Variants in PHF21A observed in about 807,000 individuals in gnomAD.
PHF21A encodes the protein BHC80a.
PHF21A carries 11 observed loss-of-function variants against 82.5 expected under a neutral mutation model. The ratio of observed to expected loss-of-function variants is 0.13; its 90% confidence interval spans 0.08 to 0.22. The LOEUF is 0.22. Among genes scored for constraint, PHF21A ranks in the 10% least tolerant of loss-of-function variants. The pLI, the probability that PHF21A is intolerant of heterozygous loss-of-function variation, is 1.00. For synonymous variants in PHF21A, 297 were observed against 302.8 expected (o/e 0.98, Z 0.20); for missense variants, 579 against 837.8 (o/e 0.69, Z 3.81).
intron 6 of PHF21A, 24 bp downstream of exon 6, chr11:46,076,730 T>A: frequency 6.3e-7 from 1 of 1,588,330 alleles, no homozygotes; most frequent in African/African-American, 1.3e-5. Flanking sequence ...GTTAAAAATA[T>A]GCCCCCCTCC....
chr11:46,013,215 G>A (rs115303644), intron 6 of PHF21A, among the ~76,000 whole-genome samples: 153 of 152,250 alleles, frequency 1.0e-3, no homozygotes, highest in African/African-American at 3.6e-3. Context: ...AATGTGAGAT[G>A]AGTGGCATAG....
At chr11:46,117,983 T>G (rs1056335656) in intron 1 of PHF21A, 2 of 152,184 alleles carry the variant, frequency 1.3e-5, no homozygotes, top group African/African-American at 4.8e-5. Flanking sequence ...TAAGCAGAGC[T>G]GTAATAAGTA....
At position 46,084,252 on chromosome 11, in the gene PHF21A, A is replaced by C; in HGVS notation, c.-33T>G. The C allele has an allele frequency of 6.4e-7, 1 of 1,559,310 alleles. No homozygotes were observed. The highest frequency in any genetic ancestry group is 1.2e-5 in the South Asian group (1 of 85,218). On this transcript the variant is annotated 5_prime_UTR_variant, in exon 4 of 19. Coordinates refer to ENST00000676320, the MANE Select transcript of PHF21A (RefSeq NM_001352027.3). ...CTTCTCCACTTTCTCTGCTAATTCT[A>C]TAGTTTCTTCAGCCTCTGTTTAAAG...
chr11:45,985,155 TACTC>T (rs945775028), intron 6 of PHF21A, among the ~76,000 whole-genome samples: 36 of 152,144 alleles, frequency 2.4e-4, no homozygotes, highest in African/African-American at 8.7e-4. Flanking sequence ...GATCAGAACT[TACTC>T]AAAGAGGAAA....
At chr11:45,980,459 T>A (rs2094230840) in intron 6 of PHF21A, among the ~76,000 whole-genome samples, 1 of 152,186 alleles carries the variant, frequency 6.6e-6, no homozygotes. Context: ...TGACTTGTTA[T>A]ATGGAAAGTA....
chr11:46,045,718 T>C (rs2096246569), intron 6 of PHF21A, among the ~76,000 whole-genome samples: 1 of 152,194 alleles, frequency 6.6e-6, no homozygotes, highest in Non-Finnish European at 1.5e-5. Context: ...CTATCTGTTC[T>C]CTAAAACACG....
At position 45,970,913 on chromosome 11, in the gene PHF21A, C is replaced by T. The variant is rs563452975; in HGVS notation, c.612+203G>A. On this transcript the variant is annotated intron_variant, in intron 8 of 18. Transcript: ENST00000676320. ...CCTCAGATAATGCACTGAATTTAGT[C>T]CTTGGTGTCAGGACGCTTCTGTAGT... 1.2e-3 allele frequency: 715 copies of T among 598,516 alleles called. 11 individuals carry two copies. The highest frequency in any genetic ancestry group is 1.8e-3 in the Middle Eastern group (4 of 2,184). The allele number at this position is 598,516 out of a possible 1,614,324, so 37.1% of individuals were successfully genotyped here. A position where few individuals can be genotyped will look rare whatever the true frequency, so the allele number is the denominator to read the frequency against.
At chr11:46,109,518 TTA>T (rs1157792475) in intron 1 of PHF21A, among the ~76,000 whole-genome samples, 1 of 151,400 alleles carries the variant, frequency 6.6e-6, no homozygotes, top group African/African-American at 2.4e-5. Context: ...AAAATAAAAT[TTA>T]TATAGTTAGT....
At chr11:46,049,276 A>G (rs1253610302) in intron 6 of PHF21A, 1 of 338,798 alleles carries the variant, frequency 3.0e-6, no homozygotes, top group Non-Finnish European at 5.8e-6. Flanking sequence ...TCATTTCTCA[A>G]ATCCTGATAG....
At chr11:45,985,230 T>C (rs2094451829) in intron 6 of PHF21A, among the ~76,000 whole-genome samples, 1 of 152,218 alleles carries the variant, frequency 6.6e-6, no homozygotes, top group Non-Finnish European at 1.5e-5. Flanking sequence ...CACACCAATA[T>C]TCATCAACGC....
chr11:45,969,957 C>T, intron 8 of PHF21A, 53 bp from the exon 9 acceptor site: 2 of 1,126,222 alleles, frequency 1.8e-6, no homozygotes, highest in Non-Finnish European at 2.7e-6. Context: ...TCTTCAATAT[C>T]AAAGCTAGTA....
chr11:46,067,893 T>C (rs1272095647), intron 6 of PHF21A, among the ~76,000 whole-genome samples: 1 of 152,040 alleles, frequency 6.6e-6, no homozygotes, highest in Non-Finnish European at 1.5e-5. Flanking sequence ...GTACCATGAG[T>C]ACACAGAAGA....
rs1300085126 is a variant in PHF21A, at chr11:45,990,276, T to C, written c.154-10310A>G. On this transcript the variant is annotated intron_variant, in intron 6 of 18. Transcript: ENST00000676320. ...TTTTTTTTTTTTTTTTTTTTTTTTT[T>C]CAAACAGGATCTCACTCTGTCCCCC... Among the ~76,000 whole-genome samples, 525 of 59,310 alleles carry C rather than the reference T, an allele frequency of 8.9e-3. 9 individuals are homozygous for C. The highest frequency in any genetic ancestry group is 0.013 in the Non-Finnish European group (358 of 26,790). The allele number at this position is 59,310 out of a possible 152,430, so 38.9% of individuals were successfully genotyped here.
intron 10 of PHF21A, among the ~76,000 whole-genome samples, chr11:45,960,626 A>C (rs2093018237): frequency 6.6e-6 from 1 of 152,202 alleles, no homozygotes; most frequent in Admixed American, 6.5e-5. Flanking sequence ...ATGGTTGCAC[A>C]ATACTGTGAA....
At chr11:46,057,401 G>A (rs2096474359) in intron 6 of PHF21A, among the ~76,000 whole-genome samples, 2 of 152,082 alleles carry the variant, frequency 1.3e-5, no homozygotes, top group South Asian at 4.1e-4. Context: ...GCACAGGAGT[G>A]TTAATTCAAT....
chr11:45,992,880 C>T (rs1387853865), intron 6 of PHF21A, among the ~76,000 whole-genome samples: 5 of 152,212 alleles, frequency 3.3e-5, no homozygotes, highest in Non-Finnish European at 7.3e-5. Context: ...TCACATAAGA[C>T]TGACACAAGG....
At chr11:46,084,882 G>A (rs1279164807) in intron 3 of PHF21A, among the ~76,000 whole-genome samples, 3 of 151,934 alleles carry the variant, frequency 2.0e-5, no homozygotes, top group Non-Finnish European at 2.9e-5. Context: ...GGGTTTCACC[G>A]TGTTAGCCAG....
intron 6 of PHF21A, among the ~76,000 whole-genome samples, chr11:45,992,310 A>G (rs2094733099): frequency 6.6e-6 from 1 of 151,808 alleles, no homozygotes; most frequent in African/African-American, 2.4e-5. Context: ...AGGCGGGCAG[A>G]TCATGAGGTC....
intron 3 of PHF21A, among the ~76,000 whole-genome samples, chr11:46,086,159 C>A (rs1173948158): frequency 6.6e-6 from 1 of 151,786 alleles, no homozygotes; most frequent in Admixed American, 6.6e-5. Context: ...CGCTCTGTCG[C>A]CCAGGCTGGA....
Sources: gnomAD v4.1 joint callset for allele counts (sites outside exome capture counted in the v4.1 genomes callset) on GRCh38, gnomAD v4.1.1 for gene constraint, MANE v1.5 for transcripts, NCBI Gene and HGNC (gene_info 2026-07-23, HGNC 2026-07-21) for gene names.